The following BDP1 variants were observed in gnomAD, a reference collection of about 807,000 sequenced individuals.
BDP1 encodes transcription factor TFIIIB component B'' homolog.
In BDP1, 169 loss-of-function variants were observed where a neutral mutation model predicts 266.6. The ratio of observed to expected loss-of-function variants is 0.63; its 90% CI spans 0.56 to 0.72. The LOEUF (loss-of-function observed/expected upper bound fraction) is 0.72. BDP1 is among the 30% of genes least tolerant of loss of function. The pLI, the probability that BDP1 is intolerant of heterozygous loss-of-function variation, is 0.00. For missense variants in BDP1, 3,015 were observed against 3,053.8 expected, an observed-to-expected ratio of 0.99 and a Z score of 0.30; for synonymous variants, 1,090 against 1,022.4, an observed-to-expected ratio of 1.07 and a Z score of -1.26.
the BDP1 span, among the ~76,000 whole-genome samples, chr5:71,575,560 T>G: frequency 6.6e-6 from 1 of 152,204 alleles, no homozygotes; most frequent in Non-Finnish European, 1.5e-5. Flanking sequence ...AAAATTCAAC[T>G]GATGGGCACC....
intron 7 of BDP1, among the ~76,000 whole-genome samples, chr5:71,478,626 A>G (rs1487243833): frequency 6.6e-6 from 1 of 151,214 alleles, no homozygotes; most frequent in African/African-American, 2.4e-5. Flanking sequence ...TGCCTCATAT[A>G]TGATTAATTA....
At chr5:71,524,390 G>T in intron 25 of BDP1, 67 bp downstream of exon 25, 1 of 1,412,124 alleles carries the variant, frequency 7.1e-7, no homozygotes, top group South Asian at 1.4e-5. Context: ...TTCTTTTAGG[G>T]GATCATTATT....
chr5:71,532,415 G>A lies in BDP1; in HGVS notation c.5880G>A (p.Leu1960=). The part of the protein sequence containing the change: ...TTEEMKQEEN[L]SVPFEMTTSE... ...AAGAAATGAAACAAGAAGAAAATTT[G>A]AGTGTACCGTTTGTAAGCATCCATT... The change falls in exon 26 of 39, where the codon TTG becomes TTA. Residue 1960 remains leucine, a synonymous_variant. Coordinates refer to ENST00000358731, the MANE Select transcript of BDP1 (RefSeq NM_018429.3). 6.2e-7 allele frequency: 1 copy of A among 1,613,420 alleles called. No individual in the cohort carries two copies.
At chr5:71,488,259 G>A (rs750110047) in intron 9 of BDP1, among the ~76,000 whole-genome samples, 50 of 151,972 alleles carry the variant, frequency 3.3e-4, no homozygotes, top group Non-Finnish European at 5.6e-4. Flanking sequence ...CTGAGTAGCT[G>A]GAATTACAGG....
Position 71,560,485 on chromosome 5 carries a change from T to C in BDP1, c.7496+248T>C, listed in dbSNP as rs569531230. On this transcript the variant is annotated intron_variant, in intron 37 of 38. Transcript: ENST00000358731. ...TTTAGAATATTTTGTACACTTATTT[T>C]TTTAGATTATCCATGGTTATTTTGA... Among the ~76,000 whole-genome samples, 9 of 152,366 alleles carry C rather than the reference T, an allele frequency of 5.9e-5. No homozygotes were observed. In the East Asian group the frequency reaches 1.7e-3, roughly 29 times the overall value.
chr5:71,576,243 G>A, the BDP1 span, among the ~76,000 whole-genome samples: 1 of 152,206 alleles, frequency 6.6e-6, no homozygotes, highest in Non-Finnish European at 1.5e-5. Context: ...ATACTTTGGA[G>A]TGACACTCCT....
rs753193704 is a variant in BDP1 at position 71,522,826 on chromosome 5, C to T, written c.5264C>T (p.Ala1755Val). The T allele has an allele frequency of 8.7e-6, 14 of 1,613,628 alleles. No homozygotes were observed. The highest frequency in any genetic ancestry group is 1.7e-5 in the Admixed American group (1 of 59,962). Reference protein sequence around the residue: ...RKDCVGSKESALAKIDAELEE... With the variant: ...RKDCVGSKESVLAKIDAELEE... ...GATTGTGTAGGTTCCAAAGAGTCTG[C>T]TTTGGCAAAAATAGATGCGGAATTA... The change falls in exon 24 of 39, where the codon GCT (alanine) becomes GTT (valine). Residue 1755 changes from alanine to valine, a missense_variant. Ala to Val is a moderately conservative substitution (Grantham distance 64, BLOSUM62 0). Transcript: ENST00000358731.
At chr5:71,492,681 A>G (rs1025603010) in intron 11 of BDP1, among the ~76,000 whole-genome samples, 1 of 152,102 alleles carries the variant, frequency 6.6e-6, no homozygotes, top group Non-Finnish European at 1.5e-5. Context: ...CTCCCATTCC[A>G]TAGGTTGCCT....
chr5:71,459,143 A>G (rs1251480539), intron 2 of BDP1, among the ~76,000 whole-genome samples: 2 of 152,254 alleles, frequency 1.3e-5, no homozygotes, highest in African/African-American at 4.8e-5. Flanking sequence ...ACACAAACAT[A>G]TTTATAAAAT....
intron 25 of BDP1, among the ~76,000 whole-genome samples, chr5:71,525,809 C>T (rs1433380354): frequency 1.3e-5 from 2 of 151,834 alleles, no homozygotes; most frequent in African/African-American, 4.8e-5. Context: ...GGGGTGGCTG[C>T]TGGGCGGAGG....
In BDP1 at chr5:71,533,373, T is replaced by G. The variant is rs529786436; in HGVS notation, c.5892+946T>G. Among the ~76,000 whole-genome samples, 9 of 152,248 alleles carry G rather than the reference T, an allele frequency of 5.9e-5. No homozygotes were observed. In the East Asian group the frequency reaches 1.7e-3, roughly 29 times the overall value. ...GCCAAACTGTTTTCCAAAGTAGCTA[T>G]ACCCTTTTACATTCCCACCAGCAGT... On this transcript the variant is annotated intron_variant, in intron 26 of 38. Coordinates refer to ENST00000358731, the MANE Select transcript of BDP1 (RefSeq NM_018429.3).
intron 13 of BDP1, among the ~76,000 whole-genome samples, chr5:71,499,159 G>A (rs1764077108): frequency 6.6e-6 from 1 of 152,182 alleles, no homozygotes; most frequent in Non-Finnish European, 1.5e-5. Flanking sequence ...TGGTGCGATG[G>A]CGTGATCTCG....
At chr5:71,490,491 A>G (rs1393139969) in intron 10 of BDP1, among the ~76,000 whole-genome samples, 1 of 152,136 alleles carries the variant, frequency 6.6e-6, no homozygotes, top group Non-Finnish European at 1.5e-5. Context: ...TAAGTATTGC[A>G]TTGGGAAAGT....
rs201758177 is a variant in BDP1, at chr5:71,562,353, C to T, written c.7576C>T (p.His2526Tyr). The T allele has an allele frequency of 1.8e-5, 29 of 1,613,394 alleles. No homozygotes were observed. In the African/African-American group the frequency reaches 2.8e-4, roughly 16 times the overall value. Residue 2526 changes from histidine (H) to tyrosine (Y), a missense_variant, in exon 38 of 39, where the codon CAT becomes TAT. By Grantham distance (83) the His-to-Tyr change is moderately conservative. Transcript: ENST00000358731. ...GGAGTCTGATGAACCTATGCAAGTC[C>T]ATAGTAAGAAACGCCTAAAACCTCT... ...SLESDEPMQV[H>Y]SKKRLKPLIP...
chr5:71,477,964 T>C (rs1334770645), intron 7 of BDP1, among the ~76,000 whole-genome samples: 1 of 151,900 alleles, frequency 6.6e-6, no homozygotes, highest in African/African-American at 2.4e-5. Context: ...AAAACAAAAA[T>C]AAACAGCCGG....
chr5:71,519,265 C>T (rs1765380255), intron 22 of BDP1, among the ~76,000 whole-genome samples: 1 of 150,840 alleles, frequency 6.6e-6, no homozygotes, highest in African/African-American at 2.4e-5. Context: ...ATATAATTAC[C>T]AGATCAGAGT....
chr5:71,461,961 T>C (rs1221747193), intron 3 of BDP1, 35 bp downstream of exon 3: 10 of 791,906 alleles, frequency 1.3e-5, no homozygotes, highest in East Asian at 3.4e-5. Flanking sequence ...ACTATCTCTT[T>C]TTTTTTTTTT....
intron 19 of BDP1, among the ~76,000 whole-genome samples, chr5:71,514,649 A>G (rs1187880505): frequency 2.6e-5 from 4 of 152,144 alleles, no homozygotes; most frequent in Admixed American, 2.6e-4. Flanking sequence ...AGAAATTAAA[A>G]TTTATTTATT....
chr5:71,544,505 A>C lies in BDP1; in HGVS notation c.6561A>C (p.Glu2187Asp). 1 of 1,609,886 alleles carries C rather than the reference A, an allele frequency of 6.2e-7. No individual in the cohort carries two copies. Among genetic ancestry groups the C allele is most frequent in the Non-Finnish European group, 8.5e-7 (1 of 1,178,822 alleles). ...TSISSEVNLT[E>D]RNENQEESSQ... ...TTTCTTCAGAAGTAAACCTAACTGAAAGGTAAAAGAGTGAAGAGGTTCTGA... is the reference window on the plus strand; with the variant it reads ...TTTCTTCAGAAGTAAACCTAACTGACAGGTAAAAGAGTGAAGAGGTTCTGA... Residue 2187 changes from glutamate (E) to aspartate (D), a missense_variant and splice_region_variant, in exon 31 of 39, where the codon GAA (glutamate) becomes GAC (aspartate). Physicochemically the swap from Glu to Asp is conservative, Grantham distance 45. This residue lies in a region of BDP1 where 629 missense variants were observed against 632.5 expected (regional missense o/e 0.99). Coordinates refer to ENST00000358731, the MANE Select transcript of BDP1 (RefSeq NM_018429.3).
Sources: gnomAD v4.1 joint callset for allele counts (sites outside exome capture counted in the v4.1 genomes callset) on GRCh38, gnomAD v4.1.1 for gene constraint, gnomAD v4.1.1 regional missense constraint, MANE v1.5 for transcripts, NCBI Gene and HGNC (gene_info 2026-07-23, HGNC 2026-07-21) for gene names.